The following MTUS2 variants were observed in gnomAD, a reference collection of about 807,000 sequenced individuals.
MTUS2 encodes microtubule-associated tumor suppressor candidate 2.
Under a neutral mutation model 114.1 loss-of-function variants are expected in MTUS2, and 40 were observed. That is an observed-to-expected ratio of 0.35 (90% confidence interval 0.27 to 0.46). The LOEUF (loss-of-function observed/expected upper bound fraction) is 0.46. MTUS2 is among the 20% of genes least tolerant of loss of function. MTUS2 has a pLI of 1.00. For synonymous variants in MTUS2, 688 were observed against 672.0 expected (o/e 1.02, Z -0.37); for missense variants, 1,679 against 1,705.4 (o/e 0.98, Z 0.27).
intron 1 of MTUS2, among the ~76,000 whole-genome samples, chr13:28,829,691 C>G (rs1233319867): frequency 6.6e-6 from 1 of 152,228 alleles, no homozygotes; most frequent in Non-Finnish European, 1.5e-5. Context: ...TTGCAGAGCC[C>G]TGTGGCATTT....
intron 2 of MTUS2, among the ~76,000 whole-genome samples, chr13:28,978,079 A>C (rs528266585): frequency 6.6e-6 from 1 of 152,344 alleles, no homozygotes; most frequent in African/African-American, 2.4e-5. Context: ...TATCTGCCAA[A>C]TTAAAGAACT....
At chr13:29,262,134 C>T (rs1897496262) in intron 5 of MTUS2, among the ~76,000 whole-genome samples, 1 of 152,252 alleles carries the variant, frequency 6.6e-6, no homozygotes, top group Non-Finnish European at 1.5e-5. Context: ...TCTGTGATTA[C>T]TTCTATAACT....
chr13:28,947,882 A>G (rs1882615355), intron 2 of MTUS2, among the ~76,000 whole-genome samples: 1 of 152,106 alleles, frequency 6.6e-6, no homozygotes, highest in African/African-American at 2.4e-5. Context: ...GCCCATTAAA[A>G]CTTTTTAATA....
intron 4 of MTUS2, 62 bp from the exon 5 acceptor site, chr13:29,100,711 A>G (rs2138820134): frequency 6.6e-7 from 1 of 1,515,652 alleles, no homozygotes; most frequent in Non-Finnish European, 8.9e-7. Context: ...CATAATCTGT[A>G]GAATTCATTA....
rs145636672 is a variant in MTUS2, at chr13:29,361,596, A to G, written c.3117+2123A>G. Among the ~76,000 whole-genome samples the G allele has an allele frequency of 6.6e-5, 10 of 152,306 alleles. No individual in the cohort carries two copies. In the East Asian group the frequency reaches 1.9e-3, roughly 29 times the overall value. On this transcript the variant is annotated intron_variant, in intron 8 of 15. Transcript: ENST00000612955. ...ACTGAATTAGACCAGGAGGTGTGACATGGGGTGGAGAACCTGGGAAAATAG... is the reference window on the plus strand; with the variant it reads ...ACTGAATTAGACCAGGAGGTGTGACGTGGGGTGGAGAACCTGGGAAAATAG...
intron 1 of MTUS2, among the ~76,000 whole-genome samples, chr13:28,838,323 G>C (rs1415504972): frequency 6.6e-6 from 1 of 152,166 alleles, no homozygotes; most frequent in Non-Finnish European, 1.5e-5. Flanking sequence ...GATTCCACTA[G>C]CTTTTACTTC....
intron 4 of MTUS2, among the ~76,000 whole-genome samples, chr13:29,055,675 A>T (rs1888101213): frequency 6.6e-6 from 1 of 152,102 alleles, no homozygotes; most frequent in African/African-American, 2.4e-5. Context: ...GCTGTGTAGT[A>T]TTCCATATGT....
intron 5 of MTUS2, among the ~76,000 whole-genome samples, chr13:29,238,106 G>A (rs757237722): frequency 6.6e-6 from 1 of 152,172 alleles, no homozygotes; most frequent in East Asian, 1.9e-4. Flanking sequence ...AGGGATCTCT[G>A]CATTCCCATG....
intron 5 of MTUS2, among the ~76,000 whole-genome samples, chr13:29,120,343 C>T (rs532720028): frequency 2.0e-5 from 3 of 152,004 alleles, no homozygotes; most frequent in Admixed American, 6.5e-5. Flanking sequence ...AATAATGCTC[C>T]TTCATTCTTG....
chr13:28,851,804 C>T (rs1467142407), intron 2 of MTUS2, among the ~76,000 whole-genome samples: 2 of 121,126 alleles, frequency 1.7e-5, no homozygotes, highest in Non-Finnish European at 3.6e-5. Context: ...TGGGTAGGAG[C>T]ACTTGAGCAG....
intron 4 of MTUS2, among the ~76,000 whole-genome samples, chr13:29,088,818 A>G (rs1030600361): frequency 6.6e-6 from 1 of 152,170 alleles, no homozygotes; most frequent in South Asian, 2.1e-4. Context: ...TTTGTTTCAT[A>G]CATTTTTCTC....
At chr13:28,973,118 T>G (rs1566262433) in intron 2 of MTUS2, among the ~76,000 whole-genome samples, 1 of 152,216 alleles carries the variant, frequency 6.6e-6, no homozygotes, top group Non-Finnish European at 1.5e-5. Flanking sequence ...TAAAATAGAT[T>G]TTATTTATTA....
intron 5 of MTUS2, among the ~76,000 whole-genome samples, chr13:29,156,393 C>A (rs1241432751): frequency 1.3e-5 from 2 of 151,998 alleles, no homozygotes; most frequent in African/African-American, 4.8e-5. Flanking sequence ...TATTGGTTTT[C>A]CAGCCTGCCA....
chr13:29,256,341 T>C (rs749558475), intron 5 of MTUS2, among the ~76,000 whole-genome samples: 1 of 152,092 alleles, frequency 6.6e-6, no homozygotes, highest in Non-Finnish European at 1.5e-5. Context: ...CTGGGCTGGC[T>C]TATCAGGGAA....
In MTUS2 at chr13:29,503,440, G is replaced by A. The variant is rs914014740; in HGVS notation, c.*234G>A. 1.2e-5 allele frequency: 7 copies of A among 588,208 alleles called. No individual in the cohort carries two copies. The highest frequency in any genetic ancestry group is 1.9e-5 in the African/African-American group (1 of 53,694). 36.4% of individuals were successfully genotyped at this position (588,208 alleles called of 1,614,324 possible). On this transcript the variant is annotated 3_prime_UTR_variant, in exon 16 of 16. Coordinates refer to ENST00000612955, the MANE Select transcript of MTUS2 (RefSeq NM_001033602.4). ...CGTTTTACCATAGTTAGAGCCAAAA[G>A]AAAGACACTTGCAATTGTTCTTGAG...
At chr13:28,940,744 G>T (rs1882188891) in intron 2 of MTUS2, among the ~76,000 whole-genome samples, 2 of 152,096 alleles carry the variant, frequency 1.3e-5, no homozygotes, top group Non-Finnish European at 2.9e-5. Context: ...TTAATGTCCA[G>T]CTGAAGCATG....
intron 2 of MTUS2, among the ~76,000 whole-genome samples, chr13:28,877,414 TGGTA>T (rs1878014295): frequency 6.6e-6 from 1 of 152,136 alleles, no homozygotes; most frequent in African/African-American, 2.4e-5. Context: ...TAAAACAACT[TGGTA>T]GGTATATATT....
intron 2 of MTUS2, among the ~76,000 whole-genome samples, chr13:28,918,941 A>G (rs1237332335): frequency 6.6e-6 from 1 of 152,100 alleles, no homozygotes; most frequent in East Asian, 1.9e-4. Flanking sequence ...ACAAACAAGC[A>G]AAAAGAAAAC....
At chr13:29,462,327 C>T (rs186754038) in intron 9 of MTUS2, among the ~76,000 whole-genome samples, 50 of 152,126 alleles carry the variant, frequency 3.3e-4, no homozygotes, top group Middle Eastern at 6.8e-3. Flanking sequence ...CAGGACTTGG[C>T]GTTGACCTGA....
Sources: gnomAD v4.1 joint callset for allele counts (sites outside exome capture counted in the v4.1 genomes callset) on GRCh38, gnomAD v4.1.1 for gene constraint, MANE v1.5 for transcripts, NCBI Gene and HGNC (gene_info 2026-07-23, HGNC 2026-07-21) for gene names.